CACNA1A: variants seen among roughly 807,000 people sequenced by gnomAD.
CACNA1A encodes the protein calcium voltage-gated channel subunit alpha1 A.
In CACNA1A, 57 loss-of-function variants were observed where a neutral mutation model predicts 262.4. The ratio of observed to expected loss-of-function variants is 0.22; its 90% CI spans 0.18 to 0.27. CACNA1A has a LOEUF of 0.27. Ranked by LOEUF, CACNA1A falls within the 10% of genes least tolerant of loss-of-function variation. The pLI is 1.00. For synonymous variants in CACNA1A, 1,431 were observed against 1,419.3 expected, an observed-to-expected ratio of 1.01 and a Z score of -0.18; for missense variants, 2,526 against 3,562.8, an observed-to-expected ratio of 0.71 and a Z score of 7.41.
At chr19:13,372,310 T>C (rs1466985733) in intron 3 of CACNA1A, among the ~76,000 whole-genome samples, 1 of 152,102 alleles carries the variant, frequency 6.6e-6, no homozygotes, top group Non-Finnish European at 1.5e-5. Flanking sequence ...CTGGGATTAC[T>C]ACGCACCCGC....
rs148600343 is a variant in CACNA1A at position 13,331,322 on chromosome 19, C to T, written c.1256-989G>A. ...TGTGATCTCGGCTCACCGCAACTTC[C>T]GTCTCCCAGGTTCAAGCAATTCTCG... is the stretch of plus-strand genomic sequence containing the variant. On this transcript the variant is annotated intron_variant, in intron 9 of 46. Transcript: ENST00000360228. Among the ~76,000 whole-genome samples, 305 of 151,314 alleles carry T rather than the reference C, an allele frequency of 2.0e-3. 1 individual carries two copies. Among genetic ancestry groups the T allele is most frequent in the Non-Finnish European group, 3.6e-3 (247 of 67,690 alleles).
In CACNA1A at chr19:13,255,226, G is replaced by C; in HGVS notation, c.4624C>G (p.Pro1542Ala). Residue 1542 changes from proline (P) to alanine (A), a missense_variant, in exon 29 of 47, where the codon CCG becomes GCG. Physicochemically the swap from Pro to Ala is conservative, Grantham distance 27. Transcript: ENST00000360228. ...TTCTGCGGCATGTGTCGGGTCAGCG[G>C]CTTGGCGCTGATGGCGAAATCAATG... ...ACIDFAISAK[P>A]LTRHMPQNKQ... 6.2e-7 allele frequency: 1 copy of C among 1,606,226 alleles called. No homozygotes were observed.
intron 38 of CACNA1A, among the ~76,000 whole-genome samples, chr19:13,216,662 TC>T (rs1377732514): frequency 0.12 from 868 of 7,200 alleles, 6 homozygotes; most frequent in Admixed American, 0.27. Flanking sequence ...TATCTATCTA[TC>T]TATCTATCTA....
rs769606952 is a variant in CACNA1A, at chr19:13,224,778, G to C, written c.5626-6C>G. The stretch of plus-strand genomic sequence containing the variant: ...AGGTCCATCCGCAGAAGCCGCTACA[G>C]AAAACCCAAGGCAAGCGCAGTCATT... On this transcript the variant is annotated splice_polypyrimidine_tract_variant and splice_region_variant and intron_variant, in intron 37 of 46. Transcript: ENST00000360228. The C allele has an allele frequency of 2.5e-6, 4 of 1,599,536 alleles. No homozygotes were observed. The East Asian group carries it at 9.0e-5, about 36-fold the overall frequency.
chr19:13,230,281 TACAG>T (rs1055982869), intron 35 of CACNA1A, 72 bp from the exon 36 acceptor site: 24 of 1,551,912 alleles, frequency 1.5e-5, no homozygotes, highest in Middle Eastern at 1.7e-4. Flanking sequence ...GTGAGAAGGA[TACAG>T]ACAGACAGAC....
intron 3 of CACNA1A, among the ~76,000 whole-genome samples, chr19:13,411,006 T>C (rs1032449547): frequency 3.3e-5 from 5 of 152,126 alleles, no homozygotes; most frequent in Non-Finnish European, 7.4e-5. Flanking sequence ...TTAAATAGCC[T>C]CCACAGGAGG....
intron 22 of CACNA1A, 125 bp from the exon 23 acceptor site, chr19:13,277,253 T>C: frequency 1.5e-6 from 1 of 654,526 alleles, no homozygotes; most frequent in East Asian, 2.8e-5. Context: ...AGCTGCTATA[T>C]ACAGTTGCGC....
At chr19:13,383,710 T>A (rs1186838518) in intron 3 of CACNA1A, among the ~76,000 whole-genome samples, 2 of 152,246 alleles carry the variant, frequency 1.3e-5, no homozygotes, top group African/African-American at 4.8e-5. Context: ...TTCGAATTCT[T>A]CAGGTTGAAA....
At position 13,317,270 on chromosome 19, in the gene CACNA1A, G is replaced by T; in HGVS notation, c.1397C>A (p.Thr466Asn). Residue 466 changes from threonine to asparagine, a missense_variant, in exon 11 of 47, where the codon ACC becomes AAC. By Grantham distance (65) the Thr-to-Asn change is moderately conservative. This residue lies in a region of CACNA1A where 104 missense variants were observed against 127.6 expected (regional missense o/e 0.81). Coordinates refer to ENST00000360228, the MANE Select transcript of CACNA1A (RefSeq NM_001127222.2). ...CCTCCTCTCCTTTTTGTGAAAAAAG[G>T]TCGAGTTCTCCAGCTTGGCACTTTT... ...SIKSAKLENSTFFHKKERRMR... is the reference protein window; with the variant it reads ...SIKSAKLENSNFFHKKERRMR... The T allele has an allele frequency of 6.2e-7, 1 of 1,612,846 alleles. No individual in the cohort carries two copies. Among genetic ancestry groups the T allele is most frequent in the Non-Finnish European group, 8.5e-7 (1 of 1,178,946 alleles).
In CACNA1A at chr19:13,341,131, C is replaced by G. The variant is rs1364725172; in HGVS notation, c.979-5222G>C. Among the ~76,000 whole-genome samples, 3 of 152,258 alleles carry G rather than the reference C, an allele frequency of 2.0e-5. No homozygotes were observed. The East Asian group carries it at 5.8e-4, about 29-fold the overall frequency. On this transcript the variant is annotated intron_variant, in intron 6 of 46. Transcript: ENST00000360228. Reference sequence around the variant, plus strand: ...AATAAGAAAAGGAGAAACCTGGGCACAGAGACAACCTTGCACAGAGGGAGA... The same window carrying G: ...AATAAGAAAAGGAGAAACCTGGGCAGAGAGACAACCTTGCACAGAGGGAGA...
chr19:13,214,723 T>G lies in CACNA1A; in HGVS notation c.5732-115A>C, dbSNP rs929633319. The G allele has an allele frequency of 1.3e-6, 1 of 786,510 alleles. No homozygotes were observed. 48.7% of individuals were successfully genotyped at this position (786,510 alleles called of 1,614,324 possible). The stretch of plus-strand genomic sequence containing the variant: ...GAGACCCCAATCTTTCTGGTCCCCA[T>G]GGGGTCTCCAGTTCCCCAACGGCCT... On this transcript the variant is annotated intron_variant, in intron 38 of 46. Transcript: ENST00000360228. The surrounding 1 kb of genome is among the most constrained non-coding windows in gnomAD (Gnocchi z 4.1).
At chr19:13,448,555 G>A (rs74683860) in intron 3 of CACNA1A, among the ~76,000 whole-genome samples, 1,613 of 152,282 alleles carry the variant, frequency 0.011, 26 homozygotes, top group African/African-American at 0.036. Context: ...CTTCCTGCCA[G>A]CAAGGTCAAG....
intron 3 of CACNA1A, among the ~76,000 whole-genome samples, chr19:13,386,021 G>C (rs1008454375): frequency 7.2e-5 from 11 of 151,978 alleles, no homozygotes; most frequent in African/African-American, 2.4e-4. Flanking sequence ...GCCGGCCATG[G>C]TGGTACACTC....
chr19:13,246,096 G>GGGACCT (rs1346070662), intron 30 of CACNA1A, among the ~76,000 whole-genome samples: 1 of 152,184 alleles, frequency 6.6e-6, no homozygotes, highest in African/African-American at 2.4e-5. Flanking sequence ...TCCCCACTAG[G>GGGACCT]TTGGCAGCAT....
At chr19:13,255,749 CTCCTTCCCTCCCTCCT>C (rs2056542317) in intron 28 of CACNA1A, among the ~76,000 whole-genome samples, 1 of 115,266 alleles carries the variant, frequency 8.7e-6, no homozygotes, top group African/African-American at 3.3e-5. Flanking sequence ...CCCTCCCTCC[CTCCTTCCCTCCCTCCT>C]TCCCTCCCTC....
intron 6 of CACNA1A, among the ~76,000 whole-genome samples, chr19:13,338,422 T>C (rs1415374615): frequency 6.6e-6 from 1 of 152,144 alleles, no homozygotes; most frequent in Non-Finnish European, 1.5e-5. Flanking sequence ...TACAATTAGA[T>C]AGTAATTCCG....
chr19:13,235,664 G>T lies in CACNA1A; in HGVS notation c.5017C>A (p.Gln1673Lys). ...AGAAGAATGCGGATGGTGTAACCCT[G>T]ACGGAGAAGTTTGATGAGCCGGGCA... is the stretch of plus-strand genomic sequence containing the variant. ...RAARLIKLLR[Q>K]GYTIRILLWT... Residue 1673 changes from glutamine (Q) to lysine (K), a missense_variant, in exon 32 of 47, where the codon CAG (glutamine) becomes AAG (lysine). Physicochemically the swap from Gln to Lys is moderately conservative, Grantham distance 53 (BLOSUM62 1). Around this residue, in one of 17 missense-constraint regions of CACNA1A, gnomAD observed 66 missense variants for 195.8 expected, o/e 0.34. Coordinates refer to ENST00000360228, the MANE Select transcript of CACNA1A (RefSeq NM_001127222.2). 1 of 1,613,994 alleles carries T rather than the reference G, an allele frequency of 6.2e-7. No homozygotes were observed. The highest frequency in any genetic ancestry group is 8.5e-7 in the Non-Finnish European group (1 of 1,179,870).
At chr19:13,311,578 C>T (rs1487311422) in intron 12 of CACNA1A, among the ~76,000 whole-genome samples, 1 of 152,230 alleles carries the variant, frequency 6.6e-6, no homozygotes, top group Non-Finnish European at 1.5e-5. Flanking sequence ...TGGCTCACGC[C>T]TGTAATCCCA....
chr19:13,262,507 C>T (rs2056757547), intron 25 of CACNA1A: 1 of 511,218 alleles, frequency 2.0e-6, no homozygotes, highest in Admixed American at 3.3e-5. Flanking sequence ...AACCCCAAGA[C>T]ACTTCATCTA....
Sources: allele counts gnomAD v4.1 joint callset (sites outside exome capture counted in the v4.1 genomes callset), GRCh38; gene constraint gnomAD v4.1.1; regional missense constraint gnomAD v4.1.1; non-coding constraint Gnocchi (gnomAD v3.1); transcripts MANE v1.5; gene names NCBI Gene and HGNC (gene_info 2026-07-23, HGNC 2026-07-21).